The following DOCK1 variants were observed in gnomAD, a reference collection of about 807,000 sequenced individuals.
DOCK1 encodes the protein dedicator of cytokinesis 1.
Under a neutral mutation model 262.7 loss-of-function variants are expected in DOCK1, and 138 were observed. The observed-to-expected ratio is 0.53, with a 90% CI of 0.46 to 0.61. The LOEUF (loss-of-function observed/expected upper bound fraction) is 0.61, where lower values mean the gene tolerates loss of function less well. Among genes scored for constraint, DOCK1 ranks in the 20% least tolerant of loss-of-function variants. DOCK1 has a pLI of 0.00. For missense variants in DOCK1, 1,908 were observed against 2,370.7 expected (o/e 0.80, Z 4.05); for synonymous variants, 866 against 867.4 (o/e 1.00, Z 0.03).
At chr10:127,233,033 G>T (rs1440705356) in intron 27 of DOCK1, among the ~76,000 whole-genome samples, 2 of 152,140 alleles carry the variant, frequency 1.3e-5, no homozygotes, top group Non-Finnish European at 2.9e-5. Context: ...AGGTTAAGGG[G>T]ATTTGATTTG....
chr10:127,077,240 CA>C (rs1167367741), intron 23 of DOCK1, among the ~76,000 whole-genome samples: 2 of 151,862 alleles, frequency 1.3e-5, no homozygotes, highest in African/African-American at 2.4e-5. Flanking sequence ...ACTAAATATA[CA>C]AAAATTAGCT....
intron 2 of DOCK1, among the ~76,000 whole-genome samples, chr10:126,975,099 T>C (rs752231100): frequency 3.3e-5 from 5 of 152,112 alleles, no homozygotes; most frequent in Non-Finnish European, 7.4e-5. Context: ...TTTTAACAGA[T>C]GTAAGTGTGT....
intron 1 of DOCK1, among the ~76,000 whole-genome samples, chr10:126,936,603 T>A (rs2034572390): frequency 6.6e-6 from 1 of 152,180 alleles, no homozygotes; most frequent in Admixed American, 6.5e-5. Flanking sequence ...AACCTGTAGT[T>A]TGCCCACCTC....
chr10:127,195,701 G>A lies in DOCK1; in HGVS notation c.2848-52307G>A, dbSNP rs1006186193. On this transcript the variant is annotated intron_variant, in intron 27 of 51. Transcript: ENST00000623213. ...GCGTCTGTCTGGAACCCACATCGCA[G>A]AGGCGCAGCCCCGCTCCTCCCTGAC... Among the ~76,000 whole-genome samples the A allele has an allele frequency of 3.9e-5, 6 of 152,232 alleles. No homozygotes were observed. In the South Asian group the frequency reaches 8.3e-4, roughly 21 times the overall value.
chr10:127,312,496 G>A (rs1231184961), intron 29 of DOCK1, among the ~76,000 whole-genome samples: 1 of 152,110 alleles, frequency 6.6e-6, no homozygotes, highest in Non-Finnish European at 1.5e-5. Context: ...GAATTGGGAT[G>A]GTCTCCAGTG....
At chr10:127,348,227 A>G (rs11017460) in intron 31 of DOCK1, among the ~76,000 whole-genome samples, 62,046 of 151,658 alleles carry the variant, frequency 0.41, 13,383 homozygotes, top group Middle Eastern at 0.54. Context: ...CCTTGGTGCT[A>G]GTGACTCCCA....
intron 13 of DOCK1, among the ~76,000 whole-genome samples, chr10:127,021,196 C>T (rs964988157): frequency 4.6e-5 from 7 of 152,238 alleles, no homozygotes; most frequent in Admixed American, 6.5e-5. Context: ...GTGGGAGTTT[C>T]GCCCTGTCAC....
intron 27 of DOCK1, among the ~76,000 whole-genome samples, chr10:127,205,404 T>C (rs1196921517): frequency 3.3e-5 from 5 of 152,200 alleles, no homozygotes. Context: ...ACGTTCCATC[T>C]CTGTTGTGGT....
intron 27 of DOCK1, among the ~76,000 whole-genome samples, chr10:127,132,318 A>G (rs2050372449): frequency 1.3e-5 from 2 of 152,354 alleles, no homozygotes; most frequent in Non-Finnish European, 2.9e-5. Flanking sequence ...ATCCTTAAGA[A>G]AAAACCAAAA....
At chr10:127,422,269 C>T (rs747684199) in intron 46 of DOCK1, among the ~76,000 whole-genome samples, 8 of 138,432 alleles carry the variant, frequency 5.8e-5, no homozygotes, top group East Asian at 2.2e-4. Flanking sequence ...CGGGTTCAAG[C>T]GATTCTCCTG....
At chr10:127,201,067 T>C (rs2057432381) in intron 27 of DOCK1, among the ~76,000 whole-genome samples, 1 of 152,208 alleles carries the variant, frequency 6.6e-6, no homozygotes, top group Non-Finnish European at 1.5e-5. Flanking sequence ...GTAACTCATA[T>C]CGCCTTCGAC....
chr10:127,010,653 G>C (rs1565060196), intron 11 of DOCK1, among the ~76,000 whole-genome samples: 2 of 152,196 alleles, frequency 1.3e-5, no homozygotes, highest in Non-Finnish European at 2.9e-5. Flanking sequence ...ATCCAGTGAG[G>C]AGAGTTTATA....
intron 27 of DOCK1, among the ~76,000 whole-genome samples, chr10:127,174,879 C>T (rs1363415195): frequency 6.6e-6 from 1 of 152,176 alleles, no homozygotes; most frequent in African/African-American, 2.4e-5. Context: ...ATATTTTGGA[C>T]TGGCATATGT....
chr10:127,015,351 G>C (rs1301364961), intron 12 of DOCK1, among the ~76,000 whole-genome samples: 2 of 150,344 alleles, frequency 1.3e-5, no homozygotes, highest in Non-Finnish European at 3.0e-5. Flanking sequence ...GAGCGCCCCC[G>C]CCCCCTCTGC....
intron 33 of DOCK1, among the ~76,000 whole-genome samples, chr10:127,373,097 A>G (rs2065294395): frequency 6.6e-6 from 1 of 152,136 alleles, no homozygotes; most frequent in Non-Finnish European, 1.5e-5. Flanking sequence ...ACCCCCCAGA[A>G]TTTAGAGTTT....
intron 27 of DOCK1, among the ~76,000 whole-genome samples, chr10:127,141,784 T>C (rs764290145): frequency 4.6e-5 from 7 of 152,186 alleles, no homozygotes; most frequent in Non-Finnish European, 8.8e-5. Flanking sequence ...CCTCCCACAA[T>C]GAGACCCCTT....
At chr10:127,360,371 G>A (rs868140748) in intron 32 of DOCK1, among the ~76,000 whole-genome samples, 1 of 152,016 alleles carries the variant, frequency 6.6e-6, no homozygotes. Context: ...GCAGGAGGGG[G>A]AGGGGCTGGC....
chr10:126,992,748 A>ACACTCT (rs1453736763), intron 6 of DOCK1, among the ~76,000 whole-genome samples: 1 of 143,600 alleles, frequency 7.0e-6, no homozygotes, highest in African/African-American at 2.6e-5. Flanking sequence ...ACACACACAC[A>ACACTCT]CACACACACA....
At chr10:127,225,952 C>T (rs748454906) in intron 27 of DOCK1, among the ~76,000 whole-genome samples, 5 of 151,944 alleles carry the variant, frequency 3.3e-5, no homozygotes, top group Non-Finnish European at 7.4e-5. Flanking sequence ...GTGGCGGGTG[C>T]CTGTAATCCC....
Sources: allele counts gnomAD v4.1 joint callset (sites outside exome capture counted in the v4.1 genomes callset), GRCh38; gene constraint gnomAD v4.1.1; transcripts MANE v1.5; gene names NCBI Gene and HGNC (gene_info 2026-07-23, HGNC 2026-07-21).